The following KCTD16 variants were observed in gnomAD, a reference collection of about 807,000 sequenced individuals.
KCTD16 encodes the protein potassium channel tetramerization domain containing 16, also known as BTB/POZ domain-containing protein KCTD16.
KCTD16 carries 13 observed loss-of-function variants against 33.2 expected under a neutral mutation model. The observed-to-expected ratio is 0.39, with a 90% CI of 0.25 to 0.62. The LOEUF is 0.62. KCTD16 is among the 20% of genes least tolerant of loss of function. KCTD16 has a pLI of 0.50. For missense variants in KCTD16, 441 were observed against 525.1 expected (o/e 0.84, Z 1.57); for synonymous variants, 197 against 195.3 (o/e 1.01, Z -0.07).
rs556260337 is a variant in KCTD16, at chr5:144,387,306, C to T, written c.833-86354C>T. On this transcript the variant is annotated intron_variant, in intron 3 of 3. Coordinates refer to ENST00000512467, the MANE Select transcript of KCTD16 (RefSeq NM_020768.4). ...GCACTTTCATGTATAGTGTCTTTAT[C>T]ATTTTCTCACAACCTCATGGTGGTG... Among the ~76,000 whole-genome samples, 7 of 152,152 alleles carry T rather than the reference C, an allele frequency of 4.6e-5. No individual in the cohort carries two copies. In the South Asian group the frequency reaches 8.3e-4, roughly 18 times the overall value.
intron 3 of KCTD16, among the ~76,000 whole-genome samples, chr5:144,441,770 T>C (rs1445500154): frequency 6.8e-6 from 1 of 147,696 alleles, no homozygotes; most frequent in East Asian, 1.9e-4. Context: ...TTCTCTAAAT[T>C]TGTTTTTTTT....
chr5:144,281,988 C>A (rs550114842), intron 3 of KCTD16, among the ~76,000 whole-genome samples: 3 of 152,222 alleles, frequency 2.0e-5, no homozygotes, highest in Admixed American at 6.5e-5. Context: ...CATATTTGGT[C>A]TTTCTCTTAG....
chr5:144,370,085 TG>T (rs1309590335), intron 3 of KCTD16, among the ~76,000 whole-genome samples: 1 of 152,118 alleles, frequency 6.6e-6, no homozygotes, highest in African/African-American at 2.4e-5. Flanking sequence ...TTGTGGGTGC[TG>T]GGAATCTGGG....
At chr5:144,239,200 C>A (rs1332732141) in intron 3 of KCTD16, among the ~76,000 whole-genome samples, 1 of 152,028 alleles carries the variant, frequency 6.6e-6, no homozygotes, top group Non-Finnish European at 1.5e-5. Context: ...AACTTAAAAG[C>A]CCTTAGGAAG....
chr5:144,333,550 C>A (rs1329578513), intron 3 of KCTD16, among the ~76,000 whole-genome samples: 1 of 152,112 alleles, frequency 6.6e-6, no homozygotes, highest in Non-Finnish European at 1.5e-5. Context: ...TTGTGGTCAG[C>A]TGCAGGTGGT....
At chr5:144,444,670 T>G (rs1753781764) in intron 3 of KCTD16, among the ~76,000 whole-genome samples, 1 of 151,930 alleles carries the variant, frequency 6.6e-6, no homozygotes, top group African/African-American at 2.4e-5. Flanking sequence ...CTACATTTTC[T>G]TCTGGCATAA....
intron 2 of KCTD16, among the ~76,000 whole-genome samples, chr5:144,197,738 G>A (rs948681337): frequency 1.1e-4 from 17 of 152,168 alleles, no homozygotes; most frequent in Non-Finnish European, 1.8e-4. Flanking sequence ...GGTGTGATCC[G>A]CTGCTGGTTA....
chr5:144,365,256 T>C (rs952131294), intron 3 of KCTD16, among the ~76,000 whole-genome samples: 1 of 152,172 alleles, frequency 6.6e-6, no homozygotes, highest in Non-Finnish European at 1.5e-5. Flanking sequence ...TAATATTTTA[T>C]TTTGTACTGG....
At position 144,394,541 on chromosome 5, in the gene KCTD16, T is replaced by C. The variant is rs567503997; in HGVS notation, c.833-79119T>C. Among the ~76,000 whole-genome samples, 20 of 152,304 alleles carry C rather than the reference T, an allele frequency of 1.3e-4. No homozygotes were observed. In the South Asian group the frequency reaches 3.9e-3, roughly 30 times the overall value. On this transcript the variant is annotated intron_variant, in intron 3 of 3. Coordinates refer to ENST00000512467, the MANE Select transcript of KCTD16 (RefSeq NM_020768.4). ...AGTATTGATATATGCCCAAGTAATA[T>C]GGTTTGGCTATATCCCCACCCAAAT...
chr5:144,416,362 G>A lies in KCTD16; in HGVS notation c.833-57298G>A, dbSNP rs143764537. Among the ~76,000 whole-genome samples the A allele has an allele frequency of 2.6e-5, 4 of 152,290 alleles. No homozygotes were observed. In the East Asian group the frequency reaches 7.7e-4, roughly 29 times the overall value. On this transcript the variant is annotated intron_variant, in intron 3 of 3. Transcript: ENST00000512467. Reference sequence around the variant, plus strand: ...GTTGGAAGATAGAAAAGGCAGACTAGTAGCCCAACACTCAGTCTGGACTCT... The same window carrying A: ...GTTGGAAGATAGAAAAGGCAGACTAATAGCCCAACACTCAGTCTGGACTCT...
At chr5:144,259,257 CAAAAAAAA>C (rs1166248798) in intron 3 of KCTD16, among the ~76,000 whole-genome samples, 1 of 48,386 alleles carries the variant, frequency 2.1e-5, no homozygotes, top group African/African-American at 7.3e-5. Flanking sequence ...GACTCCATCT[CAAAAAAAA>C]AAAAAAAAAA....
intron 3 of KCTD16, among the ~76,000 whole-genome samples, chr5:144,303,606 A>G (rs1751505120): frequency 6.6e-6 from 1 of 152,134 alleles, no homozygotes; most frequent in Non-Finnish European, 1.5e-5. Context: ...TATCAGAAAT[A>G]TCATTTAAAA....
chr5:144,313,939 AAT>A, intron 3 of KCTD16, among the ~76,000 whole-genome samples: 1 of 152,306 alleles, frequency 6.6e-6, no homozygotes, highest in East Asian at 1.9e-4. Context: ...ATCATTGATG[AAT>A]ATACCAGTAT....
intron 3 of KCTD16, among the ~76,000 whole-genome samples, chr5:144,374,001 C>T (rs1004022587): frequency 5.3e-5 from 8 of 152,194 alleles, no homozygotes; most frequent in African/African-American, 1.7e-4. Context: ...ATCAAGTTCT[C>T]CCTTATATGA....
At chr5:144,215,562 A>G (rs778880777) in intron 3 of KCTD16, among the ~76,000 whole-genome samples, 23 of 152,320 alleles carry the variant, frequency 1.5e-4, no homozygotes, top group Middle Eastern at 3.4e-3. Context: ...CTACCACCAG[A>G]TACATGATCA....
chr5:144,201,797 T>C (rs945298150), intron 2 of KCTD16, among the ~76,000 whole-genome samples: 3 of 152,160 alleles, frequency 2.0e-5, no homozygotes, highest in Admixed American at 6.5e-5. Context: ...GCAGGAATCC[T>C]TGGGAGCACA....
intron 3 of KCTD16, among the ~76,000 whole-genome samples, chr5:144,460,053 C>G (rs916525532): frequency 6.6e-6 from 1 of 151,672 alleles, no homozygotes; most frequent in Non-Finnish European, 1.5e-5. Context: ...AGGATGGTCT[C>G]GATATCCTGA....
At chr5:144,315,823 T>C (rs1367427274) in intron 3 of KCTD16, among the ~76,000 whole-genome samples, 5 of 152,292 alleles carry the variant, frequency 3.3e-5, no homozygotes, top group African/African-American at 1.2e-4. Flanking sequence ...TTTAAAAAGT[T>C]AAAGAAATTA....
At chr5:144,272,189 C>T (rs1194541174) in intron 3 of KCTD16, among the ~76,000 whole-genome samples, 3 of 151,872 alleles carry the variant, frequency 2.0e-5, no homozygotes, top group Admixed American at 6.6e-5. Context: ...TTTGGGAGGC[C>T]GAGGTGGGTG....
Sources: allele counts gnomAD v4.1 joint callset (sites outside exome capture counted in the v4.1 genomes callset), GRCh38; gene constraint gnomAD v4.1.1; transcripts MANE v1.5; gene names NCBI Gene and HGNC (gene_info 2026-07-23, HGNC 2026-07-21).